Variants in TENM2 observed in about 807,000 individuals in gnomAD.
TENM2 encodes the protein teneurin transmembrane protein 2, also known as teneurin-2.
Under a neutral mutation model 245.2 loss-of-function variants are expected in TENM2, and 52 were observed. The ratio of observed to expected loss-of-function variants is 0.21; its 90% CI spans 0.17 to 0.27. The LOEUF is 0.27. TENM2 is among the 10% of genes least tolerant of loss of function. The pLI is 1.00. For synonymous variants in TENM2, 1,363 were observed against 1,438.9 expected, an observed-to-expected ratio of 0.95 and a Z score of 1.19; for missense variants, 3,046 against 3,666.8, an observed-to-expected ratio of 0.83 and a Z score of 4.37.
chr5:167,205,250 G>A, the TENM2 span, among the ~76,000 whole-genome samples: 4 of 152,118 alleles, frequency 2.6e-5, no homozygotes, highest in Non-Finnish European at 4.4e-5. Context: ...GCATGGTGGT[G>A]CACACCTGTA....
chr5:167,878,816 G>C (rs937514656), intron 3 of TENM2, among the ~76,000 whole-genome samples: 12 of 152,140 alleles, frequency 7.9e-5, no homozygotes, highest in African/African-American at 2.9e-4. Context: ...AAACAAAGTG[G>C]CCTTGTGTTT....
At chr5:167,397,225 A>C (rs1408780275) in intron 2 of TENM2, among the ~76,000 whole-genome samples, 1 of 152,008 alleles carries the variant, frequency 6.6e-6, no homozygotes, top group South Asian at 2.1e-4. Context: ...GGGAGGGAGA[A>C]TAGGAGAGAA....
intron 9 of TENM2, among the ~76,000 whole-genome samples, chr5:168,101,839 T>C (rs553533356): frequency 4.3e-5 from 3 of 70,174 alleles, no homozygotes; most frequent in Non-Finnish European, 8.2e-5. Flanking sequence ...CTATAGATGT[T>C]TTTCCCTTAG....
intron 2 of TENM2, among the ~76,000 whole-genome samples, chr5:167,650,386 G>A (rs753669182): frequency 2.6e-5 from 4 of 152,018 alleles, no homozygotes; most frequent in Non-Finnish European, 4.4e-5. Context: ...TTTTTTTCTG[G>A]CTTTGCCCCT....
intron 2 of TENM2, among the ~76,000 whole-genome samples, chr5:167,514,130 A>G (rs1337213127): frequency 1.3e-5 from 2 of 152,184 alleles, no homozygotes; most frequent in Non-Finnish European, 2.9e-5. Context: ...GGACATTTTA[A>G]CTTACAGAAT....
intron 3 of TENM2, among the ~76,000 whole-genome samples, chr5:167,895,404 G>A (rs894893748): frequency 2.0e-5 from 3 of 152,150 alleles, no homozygotes; most frequent in African/African-American, 2.4e-5. Flanking sequence ...TTTGGTTCTC[G>A]TCCTTTCATT....
intron 3 of TENM2, among the ~76,000 whole-genome samples, chr5:167,932,149 G>A (rs978726212): frequency 6.6e-6 from 1 of 152,192 alleles, no homozygotes; most frequent in East Asian, 1.9e-4. Context: ...GGCATCATCT[G>A]TTGGCTGCTT....
intron 3 of TENM2, among the ~76,000 whole-genome samples, chr5:167,894,239 C>T: frequency 6.6e-6 from 1 of 152,158 alleles, no homozygotes; most frequent in Non-Finnish European, 1.5e-5. Context: ...ATACTTCCCT[C>T]TTTTGGTCTT....
intron 2 of TENM2, among the ~76,000 whole-genome samples, chr5:167,484,176 C>A (rs1379594001): frequency 6.6e-6 from 1 of 152,160 alleles, no homozygotes; most frequent in Non-Finnish European, 1.5e-5. Flanking sequence ...GAAACCCTGT[C>A]TCTACTAAAA....
At chr5:167,921,515 T>C (rs1309142871) in intron 3 of TENM2, among the ~76,000 whole-genome samples, 1 of 152,210 alleles carries the variant, frequency 6.6e-6, no homozygotes, top group Non-Finnish European at 1.5e-5. Context: ...TCTCAAAGTG[T>C]GGTCTATGGA....
intron 5 of TENM2, among the ~76,000 whole-genome samples, chr5:168,001,021 C>A (rs1459862699): frequency 2.0e-5 from 3 of 151,094 alleles, no homozygotes; most frequent in Non-Finnish European, 4.4e-5. Flanking sequence ...CTGCACTGCC[C>A]AGCGCTTTGT....
chr5:167,257,435 C>A, the TENM2 span, among the ~76,000 whole-genome samples: 1 of 151,952 alleles, frequency 6.6e-6, no homozygotes, highest in Non-Finnish European at 1.5e-5. Flanking sequence ...CAATGAATAT[C>A]TGTGTAGCTA....
intron 5 of TENM2, among the ~76,000 whole-genome samples, chr5:168,043,120 G>A (rs2152019244): frequency 6.6e-6 from 1 of 152,354 alleles, no homozygotes; most frequent in East Asian, 1.9e-4. Flanking sequence ...AGCATTCAAG[G>A]TGGGGCGGGA....
At chr5:168,190,678 A>G (rs560511801) in intron 14 of TENM2, 131 bp downstream of exon 16, 18 of 704,812 alleles carry the variant, frequency 2.6e-5, no homozygotes, top group African/African-American at 2.5e-4. Context: ...AGCTCCCTCC[A>G]AGGGGGACTC....
chr5:168,090,609 G>A lies in TENM2; in HGVS notation c.1551G>A (p.Lys517=), dbSNP rs749006895. 20 of 1,613,528 alleles carry A rather than the reference G, an allele frequency of 1.2e-5. No homozygotes were observed. In the African/African-American group the frequency reaches 1.9e-4, roughly 15 times the overall value. The stretch of plus-strand genomic sequence containing the variant: ...TGGAACGTCTGGACGGGAAGGAGAA[G>A]TGGAGTGTGGTTGAGTCTCCCAGGG... The change falls in exon 8 of 29, where the codon AAG becomes AAA. Residue 517 remains lysine, a synonymous_variant. Coordinates refer to ENST00000518659, the Ensembl canonical transcript of TENM2.
chr5:167,191,917 A>G, the TENM2 span, among the ~76,000 whole-genome samples: 1 of 152,082 alleles, frequency 6.6e-6, no homozygotes, highest in Non-Finnish European at 1.5e-5. Flanking sequence ...CAGCAGGGAC[A>G]GGGAAGGTGA....
chr5:168,148,276 A>C (rs999585239), intron 12 of TENM2, among the ~76,000 whole-genome samples: 4 of 152,220 alleles, frequency 2.6e-5, no homozygotes, highest in African/African-American at 7.2e-5. Flanking sequence ...ATTTCCAAGG[A>C]GAAGCTCTTG....
chr5:168,216,387 G>A (rs1297257477), intron 21 of TENM2, among the ~76,000 whole-genome samples: 1 of 152,226 alleles, frequency 6.6e-6, no homozygotes, highest in Non-Finnish European at 1.5e-5. Context: ...GTATATTCAA[G>A]TAACTTACTA....
chr5:167,815,227 CCTTTCAGAGAAGGATT>C (rs1766952296), intron 2 of TENM2, among the ~76,000 whole-genome samples: 1 of 152,056 alleles, frequency 6.6e-6, no homozygotes, highest in South Asian at 2.1e-4. Context: ...AGGAGATGTG[CCTTTCAGAGAAGGATT>C]CACCTCAAAA....
Sources: allele counts gnomAD v4.1 joint callset (sites outside exome capture counted in the v4.1 genomes callset), GRCh38; gene constraint gnomAD v4.1.1; transcripts MANE v1.5; gene names NCBI Gene and HGNC (gene_info 2026-07-23, HGNC 2026-07-21).